RGPD5: variants seen among roughly 807,000 people sequenced by gnomAD.
RGPD5 encodes the protein RANBP2-like and GRIP domain-containing protein 5/6.
chr2:109,766,765 T>A, the RGPD5 span, among the ~76,000 whole-genome samples: 1 of 149,576 alleles, frequency 6.7e-6, no homozygotes, highest in African/African-American at 2.5e-5. Flanking sequence ...GTGGAATTTT[T>A]AACCTGGAAT....
At chr2:109,764,187 A>G in the RGPD5 span, among the ~76,000 whole-genome samples, 2 of 150,222 alleles carry the variant, frequency 1.3e-5, no homozygotes, top group East Asian at 4.1e-4. Flanking sequence ...AAGACTGGAG[A>G]ACTTAGAAAA....
the RGPD5 span, among the ~76,000 whole-genome samples, chr2:109,764,508 A>C: frequency 6.7e-6 from 1 of 149,650 alleles, no homozygotes; most frequent in East Asian, 2.1e-4. Context: ...TCTGTGGGAG[A>C]TGCAAGGATG....
chr2:109,761,327 C>A, the RGPD5 span, among the ~76,000 whole-genome samples: 1 of 151,186 alleles, frequency 6.6e-6, no homozygotes, highest in Non-Finnish European at 1.5e-5. Flanking sequence ...ACGAGTGTTT[C>A]TCCGTGCCGG....
the RGPD5 span, among the ~76,000 whole-genome samples, chr2:109,761,876 CAT>C: frequency 9.2e-5 from 14 of 151,626 alleles, no homozygotes; most frequent in East Asian, 2.7e-3. Flanking sequence ...AAAGAGTTCA[CAT>C]GTGTCTAAAA....
chr2:109,761,358 A>G, the RGPD5 span, among the ~76,000 whole-genome samples: 1 of 150,730 alleles, frequency 6.6e-6, no homozygotes, highest in African/African-American at 2.4e-5. Flanking sequence ...GCCTTAGCCC[A>G]GGGAGACTCC....
the RGPD5 span, among the ~76,000 whole-genome samples, chr2:109,765,897 A>G: frequency 2.0e-5 from 3 of 150,574 alleles, no homozygotes; most frequent in South Asian, 2.1e-4. Context: ...AGAAAATGCT[A>G]CAGATCCCTG....
intron 1 of RGPD5, among the ~76,000 whole-genome samples, chr2:109,799,636 A>G (rs1383615703): frequency 0.049 from 10 of 204 alleles, no homozygotes; most frequent in East Asian, 0.17. Flanking sequence ...TTATATAAAT[A>G]AACATTTCAT....
At chr2:109,774,668 A>G in the RGPD5 span, among the ~76,000 whole-genome samples, 6 of 56,658 alleles carry the variant, frequency 1.1e-4, no homozygotes, top group Non-Finnish European at 1.7e-4. Flanking sequence ...TGTTCAAGCT[A>G]TTACAGGTTT....
At chr2:109,773,128 G>GGT in the RGPD5 span, among the ~76,000 whole-genome samples, 2 of 152,224 alleles carry the variant, frequency 1.3e-5, no homozygotes, top group Non-Finnish European at 2.9e-5. Flanking sequence ...TCAGCATACA[G>GGT]GTGCTGGTGA....
the RGPD5 span, among the ~76,000 whole-genome samples, chr2:109,774,499 CAT>C: frequency 0.33 from 557 of 1,706 alleles, 168 homozygotes; most frequent in African/African-American, 0.61. Flanking sequence ...CAAAAACAAA[CAT>C]ATATATATAT....
chr2:109,777,250 A>G, the RGPD5 span, among the ~76,000 whole-genome samples: 1 of 147,890 alleles, frequency 6.8e-6, no homozygotes, highest in Non-Finnish European at 1.5e-5. Flanking sequence ...TTTTAAGCAC[A>G]AAAGGATGTG....
At chr2:109,766,004 A>G in the RGPD5 span, among the ~76,000 whole-genome samples, 1 of 150,296 alleles carries the variant, frequency 6.7e-6, no homozygotes, top group Non-Finnish European at 1.5e-5. Context: ...CTTATGGGTC[A>G]AAACAGAGTA....
chr2:109,761,528 AC>A, the RGPD5 span, among the ~76,000 whole-genome samples: 1 of 148,006 alleles, frequency 6.8e-6, no homozygotes, highest in African/African-American at 2.5e-5. Context: ...CGGGGATCTC[AC>A]ACTGGGGAGC....
chr2:109,774,625 T>C, the RGPD5 span, among the ~76,000 whole-genome samples: 4 of 76,526 alleles, frequency 5.2e-5, 1 homozygote, highest in East Asian at 1.6e-3. Context: ...AGATTTATTC[T>C]GAACTTTCAA....
At chr2:109,763,446 C>T in the RGPD5 span, among the ~76,000 whole-genome samples, 1 of 150,114 alleles carries the variant, frequency 6.7e-6, no homozygotes, top group Non-Finnish European at 1.5e-5. Flanking sequence ...GACTTCAAAT[C>T]CAGTCAGACA....
chr2:109,794,706 G>A (rs1391214367), intron 1 of RGPD5, 169 bp downstream of exon 1: 2 of 716,782 alleles, frequency 2.8e-6, no homozygotes, highest in Non-Finnish European at 3.3e-6. Flanking sequence ...CCGGCCGGCT[G>A]GCGCAGTCCT....
chr2:109,761,529 C>CA, the RGPD5 span, among the ~76,000 whole-genome samples: 3 of 148,620 alleles, frequency 2.0e-5, no homozygotes, highest in African/African-American at 7.4e-5. Context: ...GGGGATCTCA[C>CA]ACTGGGGAGC....
the RGPD5 span, among the ~76,000 whole-genome samples, chr2:109,778,420 G>T: frequency 6.7e-6 from 1 of 149,514 alleles, no homozygotes; most frequent in African/African-American, 2.5e-5. Context: ...TTGTTTCTCC[G>T]TATAAATCTT....
chr2:109,761,442 C>A, the RGPD5 span, among the ~76,000 whole-genome samples: 5 of 149,882 alleles, frequency 3.3e-5, 1 homozygote, highest in East Asian at 2.0e-4. Flanking sequence ...CTCCCCACCC[C>A]ACCCGGGCGC....
Sources: allele counts gnomAD v4.1 joint callset (sites outside exome capture counted in the v4.1 genomes callset), GRCh38; gene constraint gnomAD v4.1.1; transcripts MANE v1.5; gene names NCBI Gene and HGNC (gene_info 2026-07-23, HGNC 2026-07-21).